EBF1: variants seen among roughly 807,000 people sequenced by gnomAD.
EBF1 encodes EBF transcription factor 1, also known as transcription factor COE1.
EBF1 carries 10 observed loss-of-function variants against 68.4 expected under a neutral mutation model. The observed-to-expected ratio is 0.15, with a 90% CI of 0.09 to 0.25. The LOEUF (loss-of-function observed/expected upper bound fraction) is 0.25. Among genes scored for constraint, EBF1 ranks in the 10% least tolerant of loss-of-function variants. The pLI is 1.00. For synonymous variants in EBF1, 298 were observed against 299.8 expected, an observed-to-expected ratio of 0.99 and a Z score of 0.06; for missense variants, 509 against 794.4, an observed-to-expected ratio of 0.64 and a Z score of 4.32.
At chr5:158,878,052 A>G (rs1396674789) in intron 6 of EBF1, among the ~76,000 whole-genome samples, 1 of 151,684 alleles carries the variant, frequency 6.6e-6, no homozygotes, top group African/African-American at 2.4e-5. Context: ...GTCACTGCTC[A>G]CGGGAGAAGT....
intron 15 of EBF1, among the ~76,000 whole-genome samples, chr5:158,704,546 G>A (rs1251688218): frequency 1.3e-5 from 2 of 152,012 alleles, no homozygotes; most frequent in Non-Finnish European, 2.9e-5. Context: ...AGGTGCTACT[G>A]TAACATTGAA....
chr5:158,705,741 C>A (rs924032877), intron 15 of EBF1, among the ~76,000 whole-genome samples: 5 of 152,216 alleles, frequency 3.3e-5, no homozygotes, highest in Admixed American at 6.5e-5. Flanking sequence ...CCAACCACTT[C>A]CTGCTCCTTC....
chr5:158,786,719 A>G (rs748308915), intron 9 of EBF1, among the ~76,000 whole-genome samples: 2 of 152,206 alleles, frequency 1.3e-5, no homozygotes, highest in Non-Finnish European at 2.9e-5. Flanking sequence ...GTTTGTTTGA[A>G]AATTAAAATA....
intron 6 of EBF1, among the ~76,000 whole-genome samples, chr5:158,883,292 A>G (rs1367492121): frequency 6.8e-6 from 1 of 148,038 alleles, no homozygotes; most frequent in Non-Finnish European, 1.5e-5. Flanking sequence ...TTCACTTTAC[A>G]GGAACATATA....
intron 10 of EBF1, among the ~76,000 whole-genome samples, chr5:158,740,636 T>C (rs1766131112): frequency 6.6e-6 from 1 of 152,232 alleles, no homozygotes; most frequent in Non-Finnish European, 1.5e-5. Context: ...AAGTATGCCA[T>C]GCAGCGAGCT....
intron 6 of EBF1, among the ~76,000 whole-genome samples, chr5:158,881,999 T>C (rs1006801943): frequency 3.3e-5 from 5 of 152,230 alleles, no homozygotes; most frequent in African/African-American, 9.6e-5. Context: ...CTGCTTTGTA[T>C]TTGCAAAGAA....
chr5:158,980,299 G>C (rs1013383910), intron 6 of EBF1, among the ~76,000 whole-genome samples: 1 of 152,132 alleles, frequency 6.6e-6, no homozygotes, highest in Non-Finnish European at 1.5e-5. Context: ...AGCTTTGTTG[G>C]GAATGCTAGC....
intron 6 of EBF1, among the ~76,000 whole-genome samples, chr5:158,914,977 A>G (rs983202953): frequency 6.6e-6 from 1 of 152,206 alleles, no homozygotes; most frequent in Non-Finnish European, 1.5e-5. Context: ...TGCAATTAGA[A>G]TAATCCTTTA....
intron 6 of EBF1, among the ~76,000 whole-genome samples, chr5:159,001,931 T>TTG (rs371712463): frequency 6.6e-5 from 10 of 151,712 alleles, no homozygotes; most frequent in South Asian, 4.2e-4. Flanking sequence ...GTGTGTGTGT[T>TTG]TGTGTGTGTG....
intron 12 of EBF1, among the ~76,000 whole-genome samples, 158 bp downstream of exon 12, chr5:158,713,959 G>T (rs893993945): frequency 1.3e-5 from 2 of 152,168 alleles, no homozygotes; most frequent in African/African-American, 2.4e-5. Flanking sequence ...TACAAAAGAG[G>T]ATTGAATCAT....
chr5:158,731,634 G>A (rs1358226993), intron 10 of EBF1, among the ~76,000 whole-genome samples: 3 of 152,150 alleles, frequency 2.0e-5, no homozygotes, highest in Non-Finnish European at 4.4e-5. Flanking sequence ...CAAGAGGCTG[G>A]TGAGAGTAGA....
chr5:158,927,233 G>A (rs1583227821), intron 6 of EBF1, among the ~76,000 whole-genome samples: 1 of 152,178 alleles, frequency 6.6e-6, no homozygotes, highest in Admixed American at 6.5e-5. Flanking sequence ...GCAGAATGGC[G>A]AATAGTAAGC....
intron 9 of EBF1, among the ~76,000 whole-genome samples, chr5:158,778,380 G>A (rs1247243877): frequency 6.6e-6 from 1 of 152,106 alleles, no homozygotes; most frequent in African/African-American, 2.4e-5. Flanking sequence ...GATGGTGCTG[G>A]ATTCTACATG....
chr5:158,730,709 T>C (rs1763922395), intron 11 of EBF1, among the ~76,000 whole-genome samples: 1 of 152,206 alleles, frequency 6.6e-6, no homozygotes, highest in African/African-American at 2.4e-5. Context: ...GCCCAGACTC[T>C]AGGGCCATGC....
intron 6 of EBF1, among the ~76,000 whole-genome samples, chr5:159,017,122 GC>G (rs200608668): frequency 0.19 from 29,262 of 152,100 alleles, 3,608 homozygotes; most frequent in South Asian, 0.41. Flanking sequence ...GATTATTGAT[GC>G]TTTTCATAAT....
At chr5:158,852,360 C>G (rs1237487350) in intron 6 of EBF1, among the ~76,000 whole-genome samples, 1 of 152,122 alleles carries the variant, frequency 6.6e-6, no homozygotes, top group East Asian at 1.9e-4. Context: ...TTGTCCCAGT[C>G]TCAGCATCTT....
chr5:158,759,416 A>C (rs1770892685), intron 10 of EBF1, among the ~76,000 whole-genome samples: 2 of 152,186 alleles, frequency 1.3e-5, no homozygotes, highest in Non-Finnish European at 2.9e-5. Context: ...ATGTTTTTGA[A>C]ATTTCAGGAA....
intron 6 of EBF1, among the ~76,000 whole-genome samples, chr5:158,870,108 G>A (rs1442996993): frequency 6.6e-6 from 1 of 152,122 alleles, no homozygotes; most frequent in Non-Finnish European, 1.5e-5. Context: ...ACTAGATTTA[G>A]AGAGCCCACA....
At chr5:159,086,617 T>G (rs1176104186) in intron 4 of EBF1, among the ~76,000 whole-genome samples, 1 of 152,168 alleles carries the variant, frequency 6.6e-6, no homozygotes, top group Non-Finnish European at 1.5e-5. Flanking sequence ...ACAGAGGTGA[T>G]TTTGAGTTCT....
Sources: gnomAD v4.1 joint callset for allele counts (sites outside exome capture counted in the v4.1 genomes callset) on GRCh38, gnomAD v4.1.1 for gene constraint, MANE v1.5 for transcripts, NCBI Gene and HGNC (gene_info 2026-07-23, HGNC 2026-07-21) for gene names.